The following GPC5 variants were observed in gnomAD, a reference collection of about 807,000 sequenced individuals.
GPC5 encodes glypican-5.
In GPC5, 47 loss-of-function variants were observed where a neutral mutation model predicts 53.9. That is an observed-to-expected ratio of 0.87 (90% CI 0.69 to 1.11). The LOEUF (loss-of-function observed/expected upper bound fraction) is 1.11, where lower values mean the gene tolerates loss of function less well. Ranked by LOEUF, GPC5 falls within the 50% of genes most tolerant of loss-of-function variation. The pLI is 0.00. For missense variants in GPC5, 748 were observed against 713.1 expected, an observed-to-expected ratio of 1.05 and a Z score of -0.56; for synonymous variants, 286 against 263.3, an observed-to-expected ratio of 1.09 and a Z score of -0.84.
intron 7 of GPC5, among the ~76,000 whole-genome samples, chr13:92,268,090 G>A (rs1160475550): frequency 6.7e-6 from 1 of 149,932 alleles, no homozygotes; most frequent in Non-Finnish European, 1.5e-5. Context: ...AAAACACAAT[G>A]GATAAGGCAC....
chr13:91,973,134 A>C (rs977312117), intron 6 of GPC5, among the ~76,000 whole-genome samples: 5 of 152,108 alleles, frequency 3.3e-5, no homozygotes, highest in African/African-American at 1.2e-4. Flanking sequence ...CTTTTCACAT[A>C]GTCTCATATT....
chr13:92,729,743 A>G (rs1888750912), intron 7 of GPC5, among the ~76,000 whole-genome samples: 1 of 151,406 alleles, frequency 6.6e-6, no homozygotes. Flanking sequence ...AAAGTAAGAC[A>G]GGAAAGATAG....
intron 7 of GPC5, among the ~76,000 whole-genome samples, chr13:92,221,000 G>C (rs533138943): frequency 3.0e-4 from 45 of 152,052 alleles, no homozygotes; most frequent in Non-Finnish European, 5.9e-4. Flanking sequence ...CTCTGTTTGG[G>C]GAGGGATGTA....
intron 2 of GPC5, among the ~76,000 whole-genome samples, chr13:91,685,932 A>G (rs921929960): frequency 1.0e-5 from 1 of 95,392 alleles, no homozygotes; most frequent in African/African-American, 6.1e-5. Flanking sequence ...GAATTAACTA[A>G]AAAAAAAAAA....
Position 92,523,802 on chromosome 13 carries a change from G to C in GPC5, c.1562-342480G>C, listed in dbSNP as rs149906817. Among the ~76,000 whole-genome samples the C allele has an allele frequency of 2.7e-4, 40 of 150,932 alleles. No homozygotes were observed. In the East Asian group the frequency reaches 6.5e-3, roughly 25 times the overall value. The stretch of plus-strand genomic sequence containing the variant: ...TGAATTAATATTTTACAAGGCAGCT[G>C]TGTCAATTACATCACACAAGTTGTT... On this transcript the variant is annotated intron_variant, in intron 7 of 7. Transcript: ENST00000377067.
chr13:92,516,684 A>C (rs1466913433), intron 7 of GPC5, among the ~76,000 whole-genome samples: 1 of 152,158 alleles, frequency 6.6e-6, no homozygotes, highest in African/African-American at 2.4e-5. Context: ...CATGATTCCC[A>C]AATGTGTATT....
chr13:91,850,680 A>T (rs2038902826), intron 5 of GPC5, among the ~76,000 whole-genome samples: 1 of 152,020 alleles, frequency 6.6e-6, no homozygotes, highest in African/African-American at 2.4e-5. Flanking sequence ...TCTATTTTTT[A>T]AAAGTCTAAC....
chr13:91,786,904 G>A (rs1274585691), intron 5 of GPC5, among the ~76,000 whole-genome samples: 1 of 148,834 alleles, frequency 6.7e-6, no homozygotes, highest in Admixed American at 6.7e-5. Flanking sequence ...CAGTACACAG[G>A]TCTGGCACAT....
At chr13:91,461,140 T>TG (rs1400843106) in intron 2 of GPC5, among the ~76,000 whole-genome samples, 1 of 152,180 alleles carries the variant, frequency 6.6e-6, no homozygotes, top group Admixed American at 6.5e-5. Context: ...ATGCTGCCTA[T>TG]GGGCTAACTT....
At chr13:92,745,942 A>T (rs1412581564) in intron 7 of GPC5, among the ~76,000 whole-genome samples, 6 of 152,096 alleles carry the variant, frequency 3.9e-5, no homozygotes, top group Non-Finnish European at 7.4e-5. Context: ...TGTATTATCG[A>T]TAAATTTGAG....
intron 2 of GPC5, among the ~76,000 whole-genome samples, chr13:91,630,987 G>T (rs747338499): frequency 3.3e-5 from 5 of 151,890 alleles, no homozygotes; most frequent in Non-Finnish European, 5.9e-5. Flanking sequence ...ACATCTTTTT[G>T]TCCCTCTCTG....
At chr13:92,649,380 C>T (rs550533987) in intron 7 of GPC5, among the ~76,000 whole-genome samples, 20 of 152,144 alleles carry the variant, frequency 1.3e-4, no homozygotes, top group Admixed American at 1.2e-3. Flanking sequence ...ATTCACATTG[C>T]TTTGTTTATT....
chr13:92,301,644 C>T (rs1013459303), intron 7 of GPC5, among the ~76,000 whole-genome samples: 5 of 151,868 alleles, frequency 3.3e-5, no homozygotes, highest in South Asian at 4.2e-4. Flanking sequence ...CCCAGCACTT[C>T]GGGAGACCAA....
chr13:92,739,808 A>G (rs1326097015), intron 7 of GPC5, among the ~76,000 whole-genome samples: 2 of 152,038 alleles, frequency 1.3e-5, no homozygotes, highest in East Asian at 1.9e-4. Flanking sequence ...ATTCCTCTTT[A>G]GTTTCTGGTC....
chr13:92,584,114 C>A lies in GPC5; in HGVS notation c.1562-282168C>A, dbSNP rs574638884. ...GTACATTGGTACCAGTAGAGTGGGGCATTACTGAAAAAAATACTCCAAAAT... is the reference window on the plus strand; with the variant it reads ...GTACATTGGTACCAGTAGAGTGGGGAATTACTGAAAAAAATACTCCAAAAT... On this transcript the variant is annotated intron_variant, in intron 7 of 7. Transcript: ENST00000377067. Among the ~76,000 whole-genome samples the A allele has an allele frequency of 3.3e-5, 5 of 152,134 alleles. No individual in the cohort carries two copies. In the South Asian group the frequency reaches 1.0e-3, roughly 32 times the overall value.
chr13:92,374,232 A>G (rs1352908453), intron 7 of GPC5, among the ~76,000 whole-genome samples: 3 of 152,198 alleles, frequency 2.0e-5, no homozygotes, highest in Admixed American at 2.0e-4. Context: ...TTATGAGTTT[A>G]GATTCCTTAT....
chr13:92,560,661 G>T (rs1476612677), intron 7 of GPC5, among the ~76,000 whole-genome samples: 1 of 151,940 alleles, frequency 6.6e-6, no homozygotes, highest in Non-Finnish European at 1.5e-5. Flanking sequence ...TCCCAGTTTA[G>T]AAACAGTCTC....
intron 7 of GPC5, among the ~76,000 whole-genome samples, chr13:92,489,337 C>T (rs1482530000): frequency 1.3e-5 from 2 of 152,190 alleles, no homozygotes; most frequent in African/African-American, 4.8e-5. Context: ...TTGTGACTCA[C>T]CAATTCTCTG....
At chr13:92,494,234 C>T (rs572268867) in intron 7 of GPC5, among the ~76,000 whole-genome samples, 11 of 151,814 alleles carry the variant, frequency 7.2e-5, no homozygotes, top group Non-Finnish European at 1.0e-4. Context: ...GGACTACAGG[C>T]GCCCGCCACT....
Sources: gnomAD v4.1 joint callset for allele counts (sites outside exome capture counted in the v4.1 genomes callset) on GRCh38, gnomAD v4.1.1 for gene constraint, MANE v1.5 for transcripts, NCBI Gene and HGNC (gene_info 2026-07-23, HGNC 2026-07-21) for gene names.